The following IGSF11 variants were observed in gnomAD, a reference collection of about 807,000 sequenced individuals.
The protein encoded by IGSF11 is CXADR like 1.
A neutral mutation model predicts 41.0 loss-of-function variants in IGSF11; 22 were observed. The observed-to-expected ratio is 0.54, with a 90% CI of 0.38 to 0.77. The LOEUF (loss-of-function observed/expected upper bound fraction) is 0.77, where lower values mean the gene tolerates loss of function less well. IGSF11 is among the 30% of genes least tolerant of loss of function. The pLI is 0.00. For missense variants in IGSF11, 444 were observed against 530.8 expected (o/e 0.84, Z 1.61); for synonymous variants, 219 against 201.3 (o/e 1.09, Z -0.74).
intron 1 of IGSF11, among the ~76,000 whole-genome samples, chr3:118,953,840 A>T (rs1944762582): frequency 6.6e-6 from 1 of 151,084 alleles, no homozygotes; most frequent in Non-Finnish European, 1.5e-5. Flanking sequence ...ATTTTTTCCC[A>T]CTCTGTGGGT....
intron 1 of IGSF11, among the ~76,000 whole-genome samples, chr3:119,078,064 A>G (rs1204286297): frequency 6.6e-6 from 1 of 152,182 alleles, no homozygotes; most frequent in Non-Finnish European, 1.5e-5. Context: ...TGACTAGAAA[A>G]CATCGATATT....
intron 1 of IGSF11, among the ~76,000 whole-genome samples, chr3:119,007,577 G>T (rs1246005055): frequency 6.6e-6 from 1 of 152,024 alleles, no homozygotes; most frequent in Non-Finnish European, 1.5e-5. Flanking sequence ...AGACTAAATT[G>T]AAGGAATTCT....
intron 1 of IGSF11, among the ~76,000 whole-genome samples, chr3:118,978,931 CA>C (rs1934417515): frequency 6.6e-6 from 1 of 151,944 alleles, no homozygotes. Context: ...AAATCCCAAT[CA>C]AAAAGAAATT....
At chr3:119,104,988 A>G (rs897062176) in intron 1 of IGSF11, among the ~76,000 whole-genome samples, 1 of 152,184 alleles carries the variant, frequency 6.6e-6, no homozygotes, top group Non-Finnish European at 1.5e-5. Flanking sequence ...TGAAAGAAAA[A>G]ATGATTTTTC....
chr3:118,948,892 A>T (rs568342791), intron 1 of IGSF11, among the ~76,000 whole-genome samples: 85 of 151,902 alleles, frequency 5.6e-4, no homozygotes, highest in African/African-American at 2.0e-3. Flanking sequence ...GAATGGCGTG[A>T]ACCCAGGAGG....
intron 1 of IGSF11, among the ~76,000 whole-genome samples, chr3:119,011,337 C>A (rs1938090552): frequency 6.6e-6 from 1 of 152,036 alleles, no homozygotes. Context: ...TGAGGGAAAA[C>A]CATGGAAAAG....
intron 1 of IGSF11, chr3:118,947,903 C>T (rs546007209): frequency 3.9e-5 from 6 of 152,178 alleles, no homozygotes; most frequent in Non-Finnish European, 7.3e-5. Flanking sequence ...AAGGTTTATA[C>T]AGATTATTAA....
At chr3:118,954,611 G>A (rs1286298501) in intron 1 of IGSF11, among the ~76,000 whole-genome samples, 3 of 152,060 alleles carry the variant, frequency 2.0e-5, no homozygotes, top group Admixed American at 6.6e-5. Context: ...AGTGGACTTT[G>A]CCCTGATCCA....
intron 1 of IGSF11, among the ~76,000 whole-genome samples, chr3:119,017,493 C>T (rs1938835727): frequency 6.6e-6 from 1 of 152,200 alleles, no homozygotes; most frequent in South Asian, 2.1e-4. Flanking sequence ...TTAACCAAAA[C>T]ATCATCATGC....
At chr3:119,010,385 T>C (rs887705812) in intron 1 of IGSF11, among the ~76,000 whole-genome samples, 2 of 152,206 alleles carry the variant, frequency 1.3e-5, no homozygotes, top group African/African-American at 4.8e-5. Context: ...ATGTGTCAAC[T>C]TAACTAGAGT....
intron 1 of IGSF11, among the ~76,000 whole-genome samples, chr3:119,140,212 C>A (rs113264295): frequency 6.6e-6 from 1 of 151,988 alleles, no homozygotes; most frequent in Non-Finnish European, 1.5e-5. Flanking sequence ...TATACCACTA[C>A]GTATATACTG....
chr3:118,937,878 T>G (rs948705468), intron 1 of IGSF11, among the ~76,000 whole-genome samples: 3 of 152,206 alleles, frequency 2.0e-5, no homozygotes, highest in Non-Finnish European at 4.4e-5. Flanking sequence ...TTCAGTGCTT[T>G]CTCATTGACT....
intron 1 of IGSF11, among the ~76,000 whole-genome samples, chr3:119,027,211 G>A (rs1308288931): frequency 6.6e-6 from 1 of 151,966 alleles, no homozygotes; most frequent in Non-Finnish European, 1.5e-5. Flanking sequence ...ATAAACCAGT[G>A]GATTTTAATA....
At chr3:119,108,436 T>A (rs2107514976), upstream of IGSF11, among the ~76,000 whole-genome samples, 1 of 150,080 alleles carries the variant, frequency 6.7e-6, no homozygotes, top group East Asian at 2.0e-4. Flanking sequence ...GTACATTGAT[T>A]TTGTATCCTG....
intron 4 of IGSF11, among the ~76,000 whole-genome samples, chr3:118,921,749 C>A (rs1295727715): frequency 6.6e-6 from 1 of 152,074 alleles, no homozygotes; most frequent in Non-Finnish European, 1.5e-5. Context: ...ATTCTATGAA[C>A]ATCTTGATGG....
At chr3:119,093,597 G>A (rs1241151314) in intron 1 of IGSF11, among the ~76,000 whole-genome samples, 4 of 152,204 alleles carry the variant, frequency 2.6e-5, no homozygotes, top group African/African-American at 7.2e-5. Flanking sequence ...CTCAGCAGCA[G>A]TTTACTTCCC....
At chr3:118,920,228 T>C (rs1289518930) in intron 4 of IGSF11, among the ~76,000 whole-genome samples, 2 of 148,272 alleles carry the variant, frequency 1.3e-5, no homozygotes, top group Admixed American at 1.3e-4. Flanking sequence ...ACCTGCACAA[T>C]GTGCACATGT....
intron 1 of IGSF11, among the ~76,000 whole-genome samples, chr3:119,020,813 C>T (rs35868): frequency 0.8 from 121,417 of 152,202 alleles, 48,724 homozygotes; most frequent in African/African-American, 0.89. Flanking sequence ...TATACTTCTG[C>T]TTCCCCACAC....
At chr3:118,925,556 T>G (rs752944840) in intron 4 of IGSF11, among the ~76,000 whole-genome samples, 2 of 152,320 alleles carry the variant, frequency 1.3e-5, no homozygotes, top group Middle Eastern at 3.4e-3. Flanking sequence ...TTTAAGCAGC[T>G]GGGTTTACAC....
Sources: gnomAD v4.1 joint callset for allele counts (sites outside exome capture counted in the v4.1 genomes callset) on GRCh38, gnomAD v4.1.1 for gene constraint, MANE v1.5 for transcripts, NCBI Gene and HGNC (gene_info 2026-07-23, HGNC 2026-07-21) for gene names.